Variants in LRRC37A2 observed in about 807,000 individuals in gnomAD.
LRRC37A2 encodes the protein leucine-rich repeat-containing protein 37A2.
Under a neutral mutation model 68.8 loss-of-function variants are expected in LRRC37A2, and 9 were observed. The observed-to-expected ratio is 0.13, with a 90% CI of 0.08 to 0.23. LRRC37A2 has a LOEUF of 0.23. Ranked by LOEUF, LRRC37A2 falls within the 10% of genes least tolerant of loss-of-function variation. The pLI, the probability that LRRC37A2 is intolerant of heterozygous loss-of-function variation, is 1.00. For synonymous variants in LRRC37A2, 63 were observed against 367.6 expected (o/e 0.17, Z 9.48); for missense variants, 168 against 950.4 (o/e 0.18, Z 10.82).
intron 6 of LRRC37A2, among the ~76,000 whole-genome samples, chr17:46,534,466 C>T (rs372526243): frequency 4.0e-5 from 6 of 148,844 alleles, no homozygotes; most frequent in Non-Finnish European, 7.4e-5. Context: ...TTAATCCATT[C>T]AACCCTGAGT....
At chr17:46,903,367 G>A in the LRRC37A2 span, among the ~76,000 whole-genome samples, 2 of 152,014 alleles carry the variant, frequency 1.3e-5, no homozygotes, top group African/African-American at 4.8e-5. Flanking sequence ...ATGTGTGGTA[G>A]CCCCTTGGCA....
chr17:46,729,924 T>C, the LRRC37A2 span, among the ~76,000 whole-genome samples: 1 of 152,124 alleles, frequency 6.6e-6, no homozygotes, highest in Admixed American at 6.6e-5. Flanking sequence ...ATTTGCAACA[T>C]ATGTGTACTG....
the LRRC37A2 span, among the ~76,000 whole-genome samples, chr17:46,784,441 C>T: frequency 6.6e-6 from 1 of 151,944 alleles, no homozygotes; most frequent in Non-Finnish European, 1.5e-5. Flanking sequence ...ATACTTTAGG[C>T]CCCATCTTGG....
the LRRC37A2 span, among the ~76,000 whole-genome samples, chr17:46,732,938 G>C: frequency 6.6e-6 from 1 of 152,212 alleles, no homozygotes; most frequent in African/African-American, 2.4e-5. Flanking sequence ...AAGGCATGGG[G>C]GTGCTCACTG....
chr17:46,862,701 G>C, the LRRC37A2 span, among the ~76,000 whole-genome samples: 1,293 of 152,264 alleles, frequency 8.5e-3, 17 homozygotes, highest in African/African-American at 0.029. Flanking sequence ...TCCTGCCTCA[G>C]CCTCCCGAGT....
At chr17:46,583,253 C>T in the LRRC37A2 span, among the ~76,000 whole-genome samples, 8 of 70,776 alleles carry the variant, frequency 1.1e-4, 1 homozygote, top group African/African-American at 3.2e-4. Flanking sequence ...TGTGAGTCAC[C>T]GCGCCCGGCC....
At chr17:46,878,191 G>A in the LRRC37A2 span, among the ~76,000 whole-genome samples, 11 of 152,230 alleles carry the variant, frequency 7.2e-5, no homozygotes, top group Non-Finnish European at 1.3e-4. Context: ...GACTTCTTTC[G>A]GGAAGCCCTT....
the LRRC37A2 span, chr17:46,923,246 A>T: frequency 6.4e-7 from 1 of 1,550,992 alleles, no homozygotes; most frequent in Non-Finnish European, 8.7e-7. Flanking sequence ...GGGAGCGGGC[A>T]GGGGCTAGAC....
the LRRC37A2 span, among the ~76,000 whole-genome samples, chr17:47,022,195 G>T: frequency 6.0e-5 from 1 of 16,732 alleles, no homozygotes; most frequent in Non-Finnish European, 1.8e-4. Context: ...TCCAGAGACA[G>T]GTTCTTACTT....
the LRRC37A2 span, among the ~76,000 whole-genome samples, chr17:46,806,824 C>A: frequency 6.6e-6 from 1 of 152,226 alleles, no homozygotes. Context: ...CCCTGGCCGC[C>A]GCTCCCCTCT....
the LRRC37A2 span, chr17:46,933,651 A>G: frequency 1.6e-5 from 2 of 124,556 alleles, no homozygotes; most frequent in African/African-American, 3.5e-5. Context: ...TTTTTGGACA[A>G]TTGAAACTGG....
At chr17:46,821,899 G>A in the LRRC37A2 span, among the ~76,000 whole-genome samples, 1 of 152,212 alleles carries the variant, frequency 6.6e-6, no homozygotes, top group African/African-American at 2.4e-5. Flanking sequence ...CCGGTGGCCA[G>A]GCCCCCGCCC....
downstream of LRRC37A2, chr17:46,558,871 C>CCTCACTTTGTTGCCCAGG: frequency 8.6e-6 from 1 of 115,708 alleles, no homozygotes; most frequent in East Asian, 2.7e-4. Flanking sequence ...CAGAGACGGG[C>CCTCACTTTGTTGCCCAGG]CTCACTTTGT....
chr17:46,816,038 T>C, the LRRC37A2 span, among the ~76,000 whole-genome samples: 1 of 152,058 alleles, frequency 6.6e-6, no homozygotes, highest in Non-Finnish European at 1.5e-5. Context: ...GTCATGGCCA[T>C]GAGCACTGAT....
chr17:46,457,930 AACAC>A, the LRRC37A2 span, among the ~76,000 whole-genome samples: 125 of 40,870 alleles, frequency 3.1e-3, 5 homozygotes, highest in Non-Finnish European at 6.5e-3. Context: ...TCATAAGGAA[AACAC>A]ACACACACAC....
chr17:46,696,367 C>T, the LRRC37A2 span, among the ~76,000 whole-genome samples: 1 of 140,962 alleles, frequency 7.1e-6, no homozygotes, highest in Non-Finnish European at 1.5e-5. Context: ...CTCAGTCTAA[C>T]CCTCCACGTG....
At chr17:46,882,763 C>T in the LRRC37A2 span, among the ~76,000 whole-genome samples, 4 of 152,278 alleles carry the variant, frequency 2.6e-5, no homozygotes, top group Non-Finnish European at 5.9e-5. Context: ...GCACGAGGCA[C>T]GTGACAGGGT....
At chr17:47,014,316 G>A in the LRRC37A2 span, among the ~76,000 whole-genome samples, 1 of 151,440 alleles carries the variant, frequency 6.6e-6, no homozygotes, top group African/African-American at 2.4e-5. Flanking sequence ...CTTGAACCCA[G>A]GAGGTGGAGG....
At chr17:46,934,614 G>A in the LRRC37A2 span, among the ~76,000 whole-genome samples, 1 of 152,148 alleles carries the variant, frequency 6.6e-6, no homozygotes, top group African/African-American at 2.4e-5. Flanking sequence ...AATAGCTAAA[G>A]GACACGAGCA....
Sources: allele counts gnomAD v4.1 joint callset (sites outside exome capture counted in the v4.1 genomes callset), GRCh38; gene constraint gnomAD v4.1.1; transcripts MANE v1.5; gene names NCBI Gene and HGNC (gene_info 2026-07-23, HGNC 2026-07-21).